GATB: variants seen among roughly 807,000 people sequenced by gnomAD.
The protein encoded by GATB is glutamyl-tRNA amidotransferase subunit B.
In GATB, 39 loss-of-function variants were observed where a neutral mutation model predicts 62.3. The ratio of observed to expected loss-of-function variants is 0.63; its 90% CI spans 0.48 to 0.82. The LOEUF is 0.82. GATB is among the 40% of genes least tolerant of loss of function. The pLI is 0.00. For synonymous variants in GATB, 276 were observed against 258.9 expected, an observed-to-expected ratio of 1.07 and a Z score of -0.63; for missense variants, 670 against 684.0, an observed-to-expected ratio of 0.98 and a Z score of 0.23.
intron 2 of GATB, among the ~76,000 whole-genome samples, chr4:151,731,713 G>C (rs550653785): frequency 5.3e-5 from 8 of 150,288 alleles, no homozygotes; most frequent in African/African-American, 1.7e-4. Context: ...TGTGGGGAGC[G>C]CCTCTGCCCC....
intron 2 of GATB, 75 bp downstream of exon 2, chr4:151,758,694 AAAC>A: frequency 8.3e-7 from 1 of 1,209,500 alleles, no homozygotes. Flanking sequence ...GTTATTATTA[AAAC>A]AAGAAAATAA....
chr4:151,716,447 T>G (rs1436455274), intron 4 of GATB, among the ~76,000 whole-genome samples: 4 of 151,896 alleles, frequency 2.6e-5, no homozygotes, highest in Non-Finnish European at 5.9e-5. Context: ...CACACCTAGG[T>G]GTTAATTTTT....
At chr4:151,750,571 A>G (rs1417962099) in intron 2 of GATB, among the ~76,000 whole-genome samples, 1 of 152,124 alleles carries the variant, frequency 6.6e-6, no homozygotes, top group African/African-American at 2.4e-5. Context: ...ATAAGAGAAT[A>G]ACAATATGAG....
intron 2 of GATB, among the ~76,000 whole-genome samples, chr4:151,728,135 T>C (rs984732138): frequency 6.6e-6 from 1 of 152,208 alleles, no homozygotes; most frequent in Non-Finnish European, 1.5e-5. Context: ...CTTTGTTTCA[T>C]AATGAAGCAA....
chr4:151,713,719 G>C (rs1485647041), intron 5 of GATB, among the ~76,000 whole-genome samples: 1 of 152,160 alleles, frequency 6.6e-6, no homozygotes, highest in Non-Finnish European at 1.5e-5. Flanking sequence ...ACCCCACCTT[G>C]CTATCCTGCC....
At chr4:151,744,153 T>C (rs1387062382) in intron 2 of GATB, among the ~76,000 whole-genome samples, 3 of 152,234 alleles carry the variant, frequency 2.0e-5, no homozygotes, top group East Asian at 1.9e-4. Flanking sequence ...GGTTGTCTTA[T>C]GTTCAGCCAG....
At chr4:151,672,228 C>G (rs1279347970) in intron 12 of GATB, among the ~76,000 whole-genome samples, 4 of 152,166 alleles carry the variant, frequency 2.6e-5, no homozygotes, top group Non-Finnish European at 5.9e-5. Flanking sequence ...TTGTGCTGTG[C>G]TAAGAACACA....
intron 2 of GATB, among the ~76,000 whole-genome samples, chr4:151,734,730 A>G (rs1739335795): frequency 6.6e-6 from 1 of 152,210 alleles, no homozygotes; most frequent in Non-Finnish European, 1.5e-5. Flanking sequence ...TGGCATAAAA[A>G]TAGGCATAGA....
intron 2 of GATB, among the ~76,000 whole-genome samples, chr4:151,740,171 G>C (rs550948600): frequency 3.9e-5 from 6 of 152,334 alleles, no homozygotes; most frequent in African/African-American, 1.4e-4. Context: ...GACAGGAAGC[G>C]AGTATTATTT....
intron 2 of GATB, chr4:151,720,251 G>C (rs914894036): frequency 2.0e-5 from 3 of 152,172 alleles, no homozygotes; most frequent in Non-Finnish European, 4.4e-5. Context: ...GAATGTCAAA[G>C]CTTTTAAGAA....
Position 151,671,028 on chromosome 4 carries a change from G to A in GATB, c.*146C>T. On this transcript the variant is annotated 3_prime_UTR_variant, in exon 13 of 13. Transcript: ENST00000263985. ...ACAGGGCCTAGAGGGTGAGAACACT[G>A]GTGACATTAATGCCATAGCTGTGGC... is the stretch of plus-strand genomic sequence containing the variant. 1.1e-6 allele frequency: 1 copy of A among 930,970 alleles called. No individual in the cohort carries two copies. Among genetic ancestry groups the A allele is most frequent in the Non-Finnish European group, 1.6e-6 (1 of 606,122 alleles). The allele number at this position is 930,970 out of a possible 1,614,324, so 57.7% of individuals were successfully genotyped here. A position where few individuals can be genotyped will look rare whatever the true frequency, so the allele number is the denominator to read the frequency against.
intron 4 of GATB, 114 bp from the exon 5 acceptor site, chr4:151,716,245 C>G: frequency 1.2e-6 from 1 of 863,480 alleles, no homozygotes; most frequent in Non-Finnish European, 1.7e-6. Context: ...CAGAGTGGTT[C>G]TAGCCTCTCA....
At chr4:151,676,341 G>A (rs1329831246) in intron 11 of GATB, 1 of 152,198 alleles carries the variant, frequency 6.6e-6, no homozygotes, top group Admixed American at 6.5e-5. Flanking sequence ...TGTGTTAAAC[G>A]CGATTTCCAT....
intron 2 of GATB, among the ~76,000 whole-genome samples, chr4:151,736,620 T>C (rs1168429218): frequency 6.6e-6 from 1 of 152,204 alleles, no homozygotes; most frequent in Non-Finnish European, 1.5e-5. Context: ...TATTGGCCAC[T>C]ATGAAGTGGA....
chr4:151,708,395 A>G (rs1282818487), intron 5 of GATB, among the ~76,000 whole-genome samples: 3 of 152,210 alleles, frequency 2.0e-5, no homozygotes, highest in Admixed American at 1.3e-4. Context: ...CCAGCTGGAG[A>G]GATCTAATTT....
chr4:151,718,641 A>C (rs534238108), intron 3 of GATB, among the ~76,000 whole-genome samples: 95 of 152,278 alleles, frequency 6.2e-4, no homozygotes, highest in African/African-American at 2.2e-3. Context: ...TCGTGCCCTC[A>C]CCCACTAAAA....
chr4:151,735,736 GTATA>G (rs137893198), intron 2 of GATB, among the ~76,000 whole-genome samples: 21 of 103,958 alleles, frequency 2.0e-4, no homozygotes, highest in African/African-American at 2.1e-4. Flanking sequence ...AAACTGTGGT[GTATA>G]TATATATATA....
intron 11 of GATB, chr4:151,675,298 G>A (rs1255421274): frequency 4.6e-5 from 7 of 152,190 alleles, no homozygotes; most frequent in African/African-American, 1.7e-4. Flanking sequence ...TGGCTGAAAT[G>A]TCCTTTCCTC....
chr4:151,759,401 C>T lies in GATB; in HGVS notation c.177-479G>A, dbSNP rs140060713. Among the ~76,000 whole-genome samples the T allele has an allele frequency of 7.0e-4, 107 of 152,274 alleles. 1 individual carries two copies. The highest frequency in any genetic ancestry group is 2.5e-3 in the African/African-American group (105 of 41,552). On this transcript the variant is annotated intron_variant, in intron 1 of 12. Coordinates refer to ENST00000263985, the MANE Select transcript of GATB (RefSeq NM_004564.3). ...AGAGAAATAATGATAAATAGTTCCA[C>T]GTCTCTTATTTAAAAAGGAAATTCT...
Sources: gnomAD v4.1 joint callset for allele counts (sites outside exome capture counted in the v4.1 genomes callset) on GRCh38, gnomAD v4.1.1 for gene constraint, MANE v1.5 for transcripts, NCBI Gene and HGNC (gene_info 2026-07-23, HGNC 2026-07-21) for gene names.